EPB41L4A: variants seen among roughly 807,000 people sequenced by gnomAD.
EPB41L4A encodes band 4.1-like protein 4A.
A neutral mutation model predicts 108.6 loss-of-function variants in EPB41L4A; 100 were observed. That is an observed-to-expected ratio of 0.92 (90% confidence interval 0.78 to 1.09). The LOEUF (loss-of-function observed/expected upper bound fraction) is 1.09, where lower values mean the gene tolerates loss of function less well. Among genes scored for constraint, EPB41L4A ranks in the 50% least tolerant of loss-of-function variants. The pLI is 0.00. For missense variants in EPB41L4A, 1,030 were observed against 842.7 expected, an observed-to-expected ratio of 1.22 and a Z score of -2.75; for synonymous variants, 319 against 289.0, an observed-to-expected ratio of 1.10 and a Z score of -1.05.
intron 17 of EPB41L4A, among the ~76,000 whole-genome samples, chr5:112,185,571 TA>T (rs1453313822): frequency 1.3e-5 from 2 of 152,242 alleles, no homozygotes; most frequent in Non-Finnish European, 2.9e-5. Context: ...CTTTGAAGTG[TA>T]TGTATTTCCT....
intron 1 of EPB41L4A, among the ~76,000 whole-genome samples, chr5:112,348,667 G>C (rs770450713): frequency 4.6e-5 from 7 of 152,134 alleles, no homozygotes; most frequent in Admixed American, 1.3e-4. Flanking sequence ...AAGTATTCAG[G>C]TGTTTTATGG....
chr5:112,169,125 A>G lies in EPB41L4A; in HGVS notation c.1740-20T>C. On this transcript the variant is annotated intron_variant, in intron 20 of 22. Transcript: ENST00000261486. ...TGTGTCCTGAACAAGCAACCAAGAA[A>G]CATGAAAACAAACACCCAAAGTCAG... The G allele has an allele frequency of 1.3e-6, 2 of 1,559,048 alleles. No homozygotes were observed. The highest frequency in any genetic ancestry group is 2.2e-5 in the East Asian group (1 of 44,606).
intron 2 of EPB41L4A, among the ~76,000 whole-genome samples, chr5:112,292,643 T>C (rs1377375816): frequency 3.9e-5 from 6 of 152,182 alleles, no homozygotes; most frequent in African/African-American, 1.4e-4. Flanking sequence ...AAAATATAAG[T>C]AGAATAGAAA....
chr5:112,392,512 A>C (rs1379154650), intron 1 of EPB41L4A, among the ~76,000 whole-genome samples: 1 of 152,132 alleles, frequency 6.6e-6, no homozygotes, highest in African/African-American at 2.4e-5. Flanking sequence ...CATAATGGTA[A>C]AGGGATCAAT....
Position 112,175,025 on chromosome 5 carries a change from G to A in EPB41L4A, c.1623-4033C>T, listed in dbSNP as rs573026424. Among the ~76,000 whole-genome samples the A allele has an allele frequency of 1.8e-4, 28 of 152,278 alleles. No homozygotes were observed. In the South Asian group the frequency reaches 5.8e-3, roughly 32 times the overall value. On this transcript the variant is annotated intron_variant, in intron 18 of 22. Coordinates refer to ENST00000261486, the MANE Select transcript of EPB41L4A (RefSeq NM_022140.5). ...CCTAGCTGCTGAAGATCGCTCAGGA[G>A]GCACTTCCGGGTTGGGGGTGGGGGT...
chr5:112,252,276 T>C (rs1192823752), intron 9 of EPB41L4A, among the ~76,000 whole-genome samples: 1 of 152,142 alleles, frequency 6.6e-6, no homozygotes, highest in Non-Finnish European at 1.5e-5. Flanking sequence ...TGTGTGTATA[T>C]ATGAAAGCAT....
chr5:112,391,158 C>T (rs756484455), intron 1 of EPB41L4A, among the ~76,000 whole-genome samples: 2 of 152,190 alleles, frequency 1.3e-5, no homozygotes, highest in Non-Finnish European at 2.9e-5. Flanking sequence ...AACTAGAGCG[C>T]CTCTTCTCCT....
chr5:112,291,971 A>T (rs541085916), intron 2 of EPB41L4A, among the ~76,000 whole-genome samples: 6 of 152,360 alleles, frequency 3.9e-5, no homozygotes, highest in Non-Finnish European at 8.8e-5. Flanking sequence ...GGCCAGGAGC[A>T]GTGGCTCACA....
intron 12 of EPB41L4A, among the ~76,000 whole-genome samples, chr5:112,223,793 T>C (rs1044912813): frequency 4.6e-5 from 7 of 152,194 alleles, no homozygotes; most frequent in Admixed American, 3.3e-4. Context: ...TTTTTATTTT[T>C]ACCCAGAAAG....
chr5:112,198,212 T>C (rs776599050), intron 15 of EPB41L4A, among the ~76,000 whole-genome samples: 1 of 152,110 alleles, frequency 6.6e-6, no homozygotes, highest in Non-Finnish European at 1.5e-5. Context: ...TTTGTATTTT[T>C]AGTAGAGACA....
At chr5:112,285,778 C>T (rs1318250004) in intron 2 of EPB41L4A, among the ~76,000 whole-genome samples, 2 of 152,154 alleles carry the variant, frequency 1.3e-5, no homozygotes. Flanking sequence ...TACAGAAATG[C>T]AATAATAACA....
chr5:112,230,622 T>C (rs953021975), intron 12 of EPB41L4A, among the ~76,000 whole-genome samples: 3 of 152,236 alleles, frequency 2.0e-5, no homozygotes, highest in Admixed American at 6.5e-5. Flanking sequence ...AGATTCTGGA[T>C]ATTAGTCCTT....
intron 10 of EPB41L4A, 83 bp from the exon 11 acceptor site, chr5:112,239,820 T>C: frequency 1.3e-6 from 1 of 771,686 alleles, no homozygotes; most frequent in South Asian, 1.8e-5. Flanking sequence ...ACACAAACTT[T>C]ATAAAGGACT....
Position 112,266,368 on chromosome 5 carries a change from A to T in EPB41L4A, c.336-38T>A, listed in dbSNP as rs369660979. ...CAAAAAGAGAGATTAACGATCTCTT[A>T]CACTACTCAAACCTGAGGTTTCGGA... On this transcript the variant is annotated intron_variant, in intron 4 of 22. Coordinates refer to ENST00000261486, the MANE Select transcript of EPB41L4A (RefSeq NM_022140.5). The T allele has an allele frequency of 3.5e-6, 5 of 1,408,780 alleles. No individual in the cohort carries two copies. The African/African-American group carries it at 5.7e-5, about 16-fold the overall frequency. The allele number at this position is 1,408,780 out of a possible 1,614,324, so 87.3% of individuals were successfully genotyped here. A position where few individuals can be genotyped will look rare whatever the true frequency, so the allele number is the denominator to read the frequency against.
intron 22 of EPB41L4A, among the ~76,000 whole-genome samples, chr5:112,166,931 T>A (rs1013798583): frequency 6.6e-6 from 1 of 152,230 alleles, no homozygotes; most frequent in Non-Finnish European, 1.5e-5. Flanking sequence ...CACTGGATAT[T>A]TACTGAATTC....
chr5:112,172,545 A>G (rs1346492950), intron 18 of EPB41L4A, among the ~76,000 whole-genome samples: 1 of 152,044 alleles, frequency 6.6e-6, no homozygotes, highest in Non-Finnish European at 1.5e-5. Context: ...TGTTTCTTAC[A>G]AATCATAGAA....
intron 12 of EPB41L4A, among the ~76,000 whole-genome samples, chr5:112,212,655 T>C (rs1747277596): frequency 6.6e-6 from 1 of 152,202 alleles, no homozygotes; most frequent in Non-Finnish European, 1.5e-5. Flanking sequence ...GTGGTATTCT[T>C]AGCAGATATT....
In EPB41L4A at chr5:112,240,815, G is replaced by C. The variant is rs769540654; in HGVS notation, c.796-5C>G. On this transcript the variant is annotated splice_region_variant and splice_polypyrimidine_tract_variant and intron_variant, in intron 9 of 22. Transcript: ENST00000261486. ...AAAGAATGAGGTTTCGTTACACTAA[G>C]AGAGAAAGAGAGACAGAATATGAAT... 6.5e-7 allele frequency: 1 copy of C among 1,533,834 alleles called. No individual in the cohort carries two copies. Among genetic ancestry groups the C allele is most frequent in the Non-Finnish European group, 8.9e-7 (1 of 1,129,074 alleles).
chr5:112,321,083 G>T (rs926692611), intron 1 of EPB41L4A, among the ~76,000 whole-genome samples: 4 of 152,140 alleles, frequency 2.6e-5, no homozygotes, highest in African/African-American at 7.2e-5. Context: ...CAGTATGTAG[G>T]AAATTCATAA....
Sources: allele counts gnomAD v4.1 joint callset (sites outside exome capture counted in the v4.1 genomes callset), GRCh38; gene constraint gnomAD v4.1.1; transcripts MANE v1.5; gene names NCBI Gene and HGNC (gene_info 2026-07-23, HGNC 2026-07-21).